NAPG: variants seen among roughly 807,000 people sequenced by gnomAD.
NAPG encodes the protein gamma-soluble NSF attachment protein.
A neutral mutation model predicts 48.4 loss-of-function variants in NAPG; 25 were observed. The ratio of observed to expected loss-of-function variants is 0.52; its 90% CI spans 0.38 to 0.72. The LOEUF is 0.72. NAPG is among the 30% of genes least tolerant of loss of function. The probability of loss-of-function intolerance (pLI) is 0.00; values close to 1 mark genes in which losing one functional copy is unlikely to be tolerated. For synonymous variants in NAPG, 139 were observed against 127.2 expected (o/e 1.09, Z -0.62); for missense variants, 359 against 372.5 (o/e 0.96, Z 0.30).
rs2032177848 is a variant in NAPG at position 10,542,541 on chromosome 18, G to A, written c.506+2142G>A. On this transcript the variant is annotated intron_variant, in intron 8 of 11. Coordinates refer to ENST00000322897, the MANE Select transcript of NAPG (RefSeq NM_003826.3). This position sits in a 1 kb window ranked among gnomAD's most constrained non-coding sequence, Gnocchi z 4.5. ...TGTGATAATTGAAAATATTAACTAT[G>A]TGCTTAGATTATTATTTGATTGCAT... 6.6e-6 allele frequency among the ~76,000 whole-genome samples: 1 copy of A among 152,116 alleles called. No individual in the cohort carries two copies. The highest frequency in any genetic ancestry group is 2.1e-4 in the South Asian group (1 of 4,828).
In NAPG at chr18:10,543,152, AAAAG is replaced by A. The variant is rs1055324815; in HGVS notation, c.506+2757_506+2760del. Among the ~76,000 whole-genome samples the A allele has an allele frequency of 6.8e-6, 1 of 146,162 alleles. No homozygotes were observed. Among genetic ancestry groups the A allele is most frequent in the Non-Finnish European group, 1.5e-5 (1 of 65,162 alleles). On this transcript the variant is annotated intron_variant, in intron 8 of 11. Coordinates refer to ENST00000322897, the MANE Select transcript of NAPG (RefSeq NM_003826.3). The surrounding 1 kb of genome is among the most constrained non-coding windows in gnomAD (Gnocchi z 4.4). ...TCCCATCTCAAAAAAAAAAAAAAAG[AAAAG>A]AAAAGAAAAAAAGACCTTTCCAGCA... is the stretch of plus-strand genomic sequence containing the variant.
At chr18:10,533,618 G>T in intron 4 of NAPG, 65 bp downstream of exon 4, 3 of 1,381,188 alleles carry the variant, frequency 2.2e-6, no homozygotes, top group South Asian at 1.4e-5. Flanking sequence ...TTTTTCTGTA[G>T]GTTGGTAATT....
rs755468812 is a variant in NAPG, at chr18:10,526,084, C to G, written c.-19C>G. The G allele has an allele frequency of 6.2e-7, 1 of 1,611,708 alleles. No individual in the cohort carries two copies. Among genetic ancestry groups the G allele is most frequent in the South Asian group, 1.1e-5 (1 of 91,032 alleles). The stretch of plus-strand genomic sequence containing the variant: ...AGGCAGGGTCACCCTCTCTCCACGT[C>G]AGAGACCTGACTGTGGAGATGGCGG... On this transcript the variant is annotated 5_prime_UTR_variant, in exon 1 of 12. Transcript: ENST00000322897.
intron 1 of NAPG, 35 bp from the exon 2 acceptor site, chr18:10,530,735 G>T: frequency 7.2e-7 from 1 of 1,393,878 alleles, no homozygotes; most frequent in Non-Finnish European, 9.6e-7. Context: ...AAATGTGGTT[G>T]GTAACTCCTG....
chr18:10,530,709 C>A, intron 1 of NAPG, 61 bp from the exon 2 acceptor site: 1 of 1,037,028 alleles, frequency 9.6e-7, no homozygotes, highest in Non-Finnish European at 1.3e-6. Context: ...TCATTACAAG[C>A]AGAGATCTGA....
At chr18:10,547,146 C>T (rs1038795543) in intron 9 of NAPG, among the ~76,000 whole-genome samples, 1 of 152,180 alleles carries the variant, frequency 6.6e-6, no homozygotes, top group Non-Finnish European at 1.5e-5. Context: ...TCATCACTGT[C>T]GAAGTGTTGC....
intron 1 of NAPG, among the ~76,000 whole-genome samples, chr18:10,528,022 C>T (rs901258188): frequency 6.6e-6 from 1 of 152,024 alleles, no homozygotes; most frequent in Non-Finnish European, 1.5e-5. Flanking sequence ...CCTGTCTCTA[C>T]TAAAAATACA....
chr18:10,537,451 C>G (rs1014709941), intron 5 of NAPG, among the ~76,000 whole-genome samples: 2 of 152,122 alleles, frequency 1.3e-5, no homozygotes, highest in Admixed American at 6.5e-5. Flanking sequence ...TCATCCTCAT[C>G]ATAGTCTTCA....
At chr18:10,536,979 C>T (rs1279552426) in intron 5 of NAPG, among the ~76,000 whole-genome samples, 2 of 145,632 alleles carry the variant, frequency 1.4e-5, no homozygotes, top group African/African-American at 5.3e-5. Flanking sequence ...TTTTTTGAGA[C>T]AGGATCTTGC....
Position 10,539,353 on chromosome 18 carries a change from T to G in NAPG, c.259-409T>G. 1 of 184,590 alleles carries G rather than the reference T, an allele frequency of 5.4e-6. No individual in the cohort carries two copies. The allele number at this position is 184,590 out of a possible 1,614,324, so 11.4% of individuals were successfully genotyped here. A position where few individuals can be genotyped will look rare whatever the true frequency, so the allele number is the denominator to read the frequency against. ...GTAAAAAAGAATGAGATCATGTCCT[T>G]TGCAGGGACATGGATGAAGCTGGAA... On this transcript the variant is annotated intron_variant, in intron 5 of 11. Coordinates refer to ENST00000322897, the MANE Select transcript of NAPG (RefSeq NM_003826.3). This position sits in a 1 kb window ranked among gnomAD's most constrained non-coding sequence, Gnocchi z 4.7.
chr18:10,550,159 A>T lies in NAPG; in HGVS notation c.878A>T (p.Asp293Val). 6.3e-7 allele frequency: 1 copy of T among 1,588,172 alleles called. No homozygotes were observed. The highest frequency in any genetic ancestry group is 8.6e-7 in the Non-Finnish European group (1 of 1,169,110). ...CCTGCAACACCACAGGCCAAGCCTG[A>T]TGGTGTCACTGCCACGGCTGCTGAT... is the stretch of plus-strand genomic sequence containing the variant. The part of the protein sequence containing the change: ...KSPATPQAKP[D>V]GVTATAADEE... The change falls in exon 12 of 12, where the codon GAT becomes GTT. Residue 293 changes from aspartate (D) to valine (V), a missense_variant. Coordinates refer to ENST00000322897, the MANE Select transcript of NAPG (RefSeq NM_003826.3).
chr18:10,533,271 CTT>C, intron 3 of NAPG: 1 of 356,952 alleles, frequency 2.8e-6, no homozygotes, highest in Non-Finnish European at 5.0e-6. Context: ...GTCATAATAA[CTT>C]TGTACTTCAG....
chr18:10,533,475 C>CT (rs1390694249), intron 3 of NAPG, 61 bp from the exon 4 acceptor site: 2 of 1,431,924 alleles, frequency 1.4e-6, no homozygotes, highest in Admixed American at 4.3e-5. Flanking sequence ...AATAGTTGAT[C>CT]TATAGAAACT....
At chr18:10,530,858 G>A (rs990623768) in intron 2 of NAPG, 21 bp downstream of exon 2, 1 of 1,525,772 alleles carries the variant, frequency 6.6e-7, no homozygotes. Flanking sequence ...CTATAGTCCA[G>A]TTGCTCCAGT....
chr18:10,535,792 A>G (rs982855286), intron 5 of NAPG, among the ~76,000 whole-genome samples: 10 of 152,238 alleles, frequency 6.6e-5, no homozygotes, highest in African/African-American at 2.4e-4. Flanking sequence ...AAGTGTTTAA[A>G]TAAATTATGA....
At position 10,548,114 on chromosome 18, in the gene NAPG, T is replaced by G. The variant is rs1288027058; in HGVS notation, c.586-185T>G. On this transcript the variant is annotated intron_variant, in intron 9 of 11. Transcript: ENST00000322897. The surrounding 1 kb of genome is among the most constrained non-coding windows in gnomAD (Gnocchi z 4.4). ...CAGCCAAATTCCAGGACATGAGAATTGGAAAAGTACTGTTCTAGGATATTT... is the reference window on the plus strand; with the variant it reads ...CAGCCAAATTCCAGGACATGAGAATGGGAAAAGTACTGTTCTAGGATATTT... Among the ~76,000 whole-genome samples, 1 of 152,218 alleles carries G rather than the reference T, an allele frequency of 6.6e-6. No individual in the cohort carries two copies. Among genetic ancestry groups the G allele is most frequent in the African/African-American group, 2.4e-5 (1 of 41,462 alleles).
At chr18:10,535,990 G>A (rs1039590083) in intron 5 of NAPG, among the ~76,000 whole-genome samples, 1 of 152,108 alleles carries the variant, frequency 6.6e-6, no homozygotes, top group Non-Finnish European at 1.5e-5. Context: ...ATTTTCCTCT[G>A]AGAATTAGGA....
chr18:10,549,005 T>A lies in NAPG; in HGVS notation c.704T>A (p.Leu235Gln). The A allele has an allele frequency of 6.2e-7, 1 of 1,613,942 alleles. No homozygotes were observed. Among genetic ancestry groups the A allele is most frequent in the Non-Finnish European group, 8.5e-7 (1 of 1,179,828 alleles). Residue 235 changes from leucine (L) to glutamine (Q), a missense_variant, in exon 11 of 12, where the codon CTG becomes CAG. Leu to Gln is a moderately radical substitution (Grantham distance 113). Coordinates refer to ENST00000322897, the MANE Select transcript of NAPG (RefSeq NM_003826.3). ...AATGGCAGTGAAGACTGTGCTGCCC[T>A]GGAACAGCTTCTTGAAGGTTATGAC... ...GFNGSEDCAA[L>Q]EQLLEGYDQQ...
Position 10,526,074 on chromosome 18 carries a change from C to G in NAPG, c.-29C>G. ...CCGGAGGAAGAGGCAGGGTCACCCT[C>G]TCTCCACGTCAGAGACCTGACTGTG... is the stretch of plus-strand genomic sequence containing the variant. On this transcript the variant is annotated 5_prime_UTR_variant, in exon 1 of 12. Transcript: ENST00000322897. 4 of 1,608,434 alleles carry G rather than the reference C, an allele frequency of 2.5e-6. No individual in the cohort carries two copies. Among genetic ancestry groups the G allele is most frequent in the Non-Finnish European group, 3.4e-6 (4 of 1,175,070 alleles).
Sources: gnomAD v4.1 joint callset for allele counts (sites outside exome capture counted in the v4.1 genomes callset) on GRCh38, gnomAD v4.1.1 for gene constraint, Gnocchi (gnomAD v3.1) non-coding constraint, MANE v1.5 for transcripts, NCBI Gene and HGNC (gene_info 2026-07-23, HGNC 2026-07-21) for gene names.